TMEM63A: variants seen among roughly 807,000 people sequenced by gnomAD.
TMEM63A encodes transmembrane protein 63A.
In TMEM63A, 76 loss-of-function variants were observed where a neutral mutation model predicts 100.6. The observed-to-expected ratio is 0.76, with a 90% CI of 0.63 to 0.91. The LOEUF is 0.91. TMEM63A is among the 40% of genes least tolerant of loss of function. The probability of loss-of-function intolerance (pLI) is 0.00; values close to 1 mark genes in which losing one functional copy is unlikely to be tolerated. For synonymous variants in TMEM63A, 401 were observed against 401.1 expected (o/e 1.00, Z 0.00); for missense variants, 876 against 1,008.8 (o/e 0.87, Z 1.78).
intron 8 of TMEM63A, 103 bp from the exon 9 acceptor site, chr1:225,866,785 C>T: frequency 2.0e-6 from 2 of 995,170 alleles, no homozygotes; most frequent in Non-Finnish European, 3.1e-6. Flanking sequence ...AACTGAGGAC[C>T]AACAGCTTCA....
In TMEM63A at chr1:225,846,013, A is replaced by G. The variant is rs1668962278; in HGVS notation, c.*926T>C. The G allele has an allele frequency of 6.4e-6, 1 of 155,746 alleles. No homozygotes were observed. Among genetic ancestry groups the G allele is most frequent in the African/African-American group, 2.4e-5 (1 of 41,448 alleles). 9.6% of individuals were successfully genotyped at this position (155,746 alleles called of 1,614,324 possible). A position where few individuals can be genotyped will look rare whatever the true frequency, so the allele number is the denominator to read the frequency against. ...AGGAGGCTTCTCAGGCAGAAGTCTT[A>G]AGTTGCATCCCATTCCCCAGAATCC... On this transcript the variant is annotated 3_prime_UTR_variant, in exon 25 of 25. Transcript: ENST00000366835.
intron 5 of TMEM63A, chr1:225,871,637 G>C (rs1670511332): frequency 3.3e-6 from 1 of 303,796 alleles, no homozygotes; most frequent in Admixed American, 4.6e-5. Context: ...CAGGCGCTGG[G>C]AAACAGGGCT....
chr1:225,875,785 C>T (rs908864323), intron 3 of TMEM63A, among the ~76,000 whole-genome samples: 4 of 151,792 alleles, frequency 2.6e-5, no homozygotes, highest in African/African-American at 7.3e-5. Context: ...CACCCCTGGC[C>T]GGGCACCATG....
chr1:225,865,626 G>A lies in TMEM63A; in HGVS notation c.746+271C>T, dbSNP rs1029404695. 3.3e-5 allele frequency: 13 copies of A among 394,258 alleles called. No homozygotes were observed. The highest frequency in any genetic ancestry group is 2.0e-4 in the African/African-American group (10 of 50,342). The allele number at this position is 394,258 out of a possible 1,614,324, so 24.4% of individuals were successfully genotyped here. On this transcript the variant is annotated intron_variant, in intron 10 of 24. Coordinates refer to ENST00000366835, the MANE Select transcript of TMEM63A (RefSeq NM_014698.3). The surrounding 1 kb of genome is among the most constrained non-coding windows in gnomAD (Gnocchi z 4.6). ...CCGTATGCTCTCAAGACGTTTATTCGCACCTACACCCTGGTCTGTGCTCTG... is the reference window on the plus strand; with the variant it reads ...CCGTATGCTCTCAAGACGTTTATTCACACCTACACCCTGGTCTGTGCTCTG...
intron 3 of TMEM63A, among the ~76,000 whole-genome samples, chr1:225,876,170 A>C (rs1230729573): frequency 1.4e-5 from 2 of 145,798 alleles, no homozygotes; most frequent in African/African-American, 5.1e-5. Context: ...ATACCCACCC[A>C]GCCCAGCTAG....
chr1:225,849,059 C>T lies in TMEM63A; in HGVS notation c.2072-47G>A, dbSNP rs1243531267. 3 of 1,238,952 alleles carry T rather than the reference C, an allele frequency of 2.4e-6. No homozygotes were observed. In the Admixed American group the frequency reaches 6.0e-5, roughly 25 times the overall value. The allele number at this position is 1,238,952 out of a possible 1,614,324, so 76.7% of individuals were successfully genotyped here. On this transcript the variant is annotated intron_variant, in intron 21 of 24. Transcript: ENST00000366835. ...CCTTGGGGTGGGCAGGGAGGGGCCA[C>T]CACCTACCCTCACCCTGCTGAGGAA...
rs1289572011 is a variant in TMEM63A, at chr1:225,877,392, C to T, written c.186+3G>A. On this transcript the variant is annotated splice_donor_region_variant and intron_variant, in intron 3 of 24. Coordinates refer to ENST00000366835, the MANE Select transcript of TMEM63A (RefSeq NM_014698.3). ...GTGGGACACGACTCATGAGGGCTCTCACCAGGAAGCAGCTGACGTCTATGA... is the reference window on the plus strand; with the variant it reads ...GTGGGACACGACTCATGAGGGCTCTTACCAGGAAGCAGCTGACGTCTATGA... 2 of 1,609,610 alleles carry T rather than the reference C, an allele frequency of 1.2e-6. No individual in the cohort carries two copies. Among genetic ancestry groups the T allele is most frequent in the Non-Finnish European group, 1.7e-6 (2 of 1,176,516 alleles).
rs112241897 is a variant in TMEM63A, at chr1:225,877,532, T to G, written c.49A>C (p.Ile17Leu). 3.1e-6 allele frequency: 5 copies of G among 1,614,210 alleles called. No individual in the cohort carries two copies. The highest frequency in any genetic ancestry group is 1.7e-5 in the Admixed American group (1 of 60,018). ...LELWQSKAVS[I>L]REQLGLGDRP... ...TCCCCGAGTCCCAGCTGCTCCCTGA[T>G]GGACACTGCCTTGGACTGCCACAGC... Residue 17 changes from isoleucine (I) to leucine (L), a missense_variant, in exon 3 of 25, where the codon ATC becomes CTC. By Grantham distance (5) the Ile-to-Leu change is conservative. Transcript: ENST00000366835.
rs919577495 is a variant in TMEM63A, at chr1:225,879,355, T to C, written c.-150A>G. 3 of 152,292 alleles carry C rather than the reference T, an allele frequency of 2.0e-5. No homozygotes were observed. Among genetic ancestry groups the C allele is most frequent in the African/African-American group, 4.8e-5 (2 of 41,428 alleles). The allele number at this position is 152,292 out of a possible 1,614,324, so 9.4% of individuals were successfully genotyped here. On this transcript the variant is annotated 5_prime_UTR_variant, in exon 2 of 25. An upstream start codon of the reference 5' UTR is lost. Transcript: ENST00000366835. ...GGCCAGGCGTCGGGCCTAACACTCA[T>C]GTCCTGCAGGGCTTTCCTGACCAGC... is the stretch of plus-strand genomic sequence containing the variant.
intron 9 of TMEM63A, chr1:225,866,205 G>C: frequency 1.8e-6 from 1 of 555,140 alleles, no homozygotes; most frequent in Non-Finnish European, 3.2e-6. Context: ...TGCATGGCAG[G>C]AGACTGAGAA....
At chr1:225,851,196 G>C (rs2102819334) in intron 20 of TMEM63A, among the ~76,000 whole-genome samples, 1 of 152,128 alleles carries the variant, frequency 6.6e-6, no homozygotes, top group Non-Finnish European at 1.5e-5. Context: ...CTGAGCCCCT[G>C]TATGTCAGTG....
At chr1:225,872,939 C>T (rs1417820841) in intron 4 of TMEM63A, among the ~76,000 whole-genome samples, 2 of 152,102 alleles carry the variant, frequency 1.3e-5, no homozygotes, top group African/African-American at 2.4e-5. Context: ...TGATCCACCC[C>T]CGCCTCGGCC....
chr1:225,842,266 C>G (rs939597918), downstream of TMEM63A: 8 of 912,980 alleles, frequency 8.8e-6, no homozygotes, highest in Admixed American at 1.3e-4. Context: ...TTCCTGCACA[C>G]AGCCCCGCCC....
downstream of TMEM63A, among the ~76,000 whole-genome samples, chr1:225,843,263 T>A (rs1436101665): frequency 9.9e-5 from 15 of 152,212 alleles, no homozygotes; most frequent in Admixed American, 9.2e-4. Flanking sequence ...TGTATCTGAT[T>A]TGGGCCTTGG....
chr1:225,850,029 A>G lies in TMEM63A; in HGVS notation c.1954T>C (p.Phe652Leu). Residue 652 changes from phenylalanine (F) to leucine (L), a missense_variant, in exon 21 of 25, where the codon TTC (phenylalanine) becomes CTC (leucine). This residue lies in a region of TMEM63A where 339 missense variants were observed against 342.3 expected (regional missense o/e 0.99). Coordinates refer to ENST00000366835, the MANE Select transcript of TMEM63A (RefSeq NM_014698.3). ...KHMVDRHNLY[F>L]VYLPAKLEKG... The stretch of plus-strand genomic sequence containing the variant: ...TCCAGCTTGGCTGGGAGGTAGACGA[A>G]GTAGAGGTTGTGCCGGTCCACCATG... 1 of 1,614,202 alleles carries G rather than the reference A, an allele frequency of 6.2e-7. No individual in the cohort carries two copies.
At chr1:225,845,450 C>G, downstream of TMEM63A, 5 of 1,259,118 alleles carry the variant, frequency 4.0e-6, no homozygotes, top group Non-Finnish European at 5.5e-6. Context: ...CCTCCGTCCC[C>G]TGCCCATGCT....
At chr1:225,880,432 G>A (rs1032908433) in intron 1 of TMEM63A, among the ~76,000 whole-genome samples, 86 of 152,160 alleles carry the variant, frequency 5.7e-4, no homozygotes, top group African/African-American at 2.0e-3. Flanking sequence ...CCAGGCTGAG[G>A]AGAAGGCAGG....
chr1:225,853,904 G>T lies in TMEM63A; in HGVS notation c.1635-113C>A. 9.6e-7 allele frequency: 1 copy of T among 1,046,038 alleles called. No individual in the cohort carries two copies. Among genetic ancestry groups the T allele is most frequent in the Non-Finnish European group, 1.3e-6 (1 of 746,050 alleles). 64.8% of individuals were successfully genotyped at this position (1,046,038 alleles called of 1,614,324 possible). A position where few individuals can be genotyped will look rare whatever the true frequency, so the allele number is the denominator to read the frequency against. ...CCCTGGGAGGGCTGTATACTCTTCC[G>T]TTCATTCAGCACATATTTGGGAAAC... On this transcript the variant is annotated intron_variant, in intron 18 of 24. Transcript: ENST00000366835. The surrounding 1 kb of genome is among the most constrained non-coding windows in gnomAD (Gnocchi z 4.0).
chr1:225,856,755 G>A lies in TMEM63A; in HGVS notation c.1485-17C>T, dbSNP rs1156679666. 3.7e-6 allele frequency: 6 copies of A among 1,611,138 alleles called. No individual in the cohort carries two copies. The highest frequency in any genetic ancestry group is 4.2e-6 in the Non-Finnish European group (5 of 1,178,924). On this transcript the variant is annotated splice_polypyrimidine_tract_variant and intron_variant, in intron 16 of 24. Coordinates refer to ENST00000366835, the MANE Select transcript of TMEM63A (RefSeq NM_014698.3). ...TCCCCCGACCTGCAGGAAGTCAAAG[G>A]TGAGCACTCGCAGTCCCCCAAATGC...
Sources: gnomAD v4.1 joint callset for allele counts (sites outside exome capture counted in the v4.1 genomes callset) on GRCh38, gnomAD v4.1.1 for gene constraint, gnomAD v4.1.1 regional missense constraint, Gnocchi (gnomAD v3.1) non-coding constraint, MANE v1.5 for transcripts, NCBI Gene and HGNC (gene_info 2026-07-23, HGNC 2026-07-21) for gene names.